Variants in EXTL3 observed in about 807,000 individuals in gnomAD.
EXTL3 encodes the protein exostosin like glycosyltransferase 3.
A neutral mutation model predicts 69.3 loss-of-function variants in EXTL3; 27 were observed. The observed-to-expected ratio is 0.39, with a 90% confidence interval of 0.29 to 0.54. The LOEUF is 0.54. Ranked by LOEUF, EXTL3 falls within the 20% of genes least tolerant of loss-of-function variation. EXTL3 has a pLI of 0.69. For synonymous variants in EXTL3, 511 were observed against 499.4 expected (o/e 1.02, Z -0.31); for missense variants, 1,003 against 1,231.8 (o/e 0.81, Z 2.78).
At chr8:28,697,864 CTG>C (rs1254898705), upstream of EXTL3, 1 of 150,668 alleles carries the variant, frequency 6.6e-6, no homozygotes, top group Non-Finnish European at 1.5e-5. Flanking sequence ...ACATACATGA[CTG>C]TTAAACAACA....
upstream of EXTL3, among the ~76,000 whole-genome samples, chr8:28,618,556 G>A (rs867010331): frequency 6.6e-6 from 1 of 152,128 alleles, no homozygotes; most frequent in East Asian, 1.9e-4. Context: ...CCTCACGTCC[G>A]GCACGAAAGA....
In EXTL3 at chr8:28,658,527, T is replaced by TC. The variant is rs1357507304; in HGVS notation, c.-53+35724dup. On this transcript the variant is annotated intron_variant, in intron 1 of 6. Coordinates refer to the EXTL3 transcript ENST00000523149. ...ATACACCTTTTCTGTACCTTGCTGT[T>TC]CCCCCCCTGCCCCCGCACTTATCTT... Among the ~76,000 whole-genome samples, 8 of 152,156 alleles carry TC rather than the reference T, an allele frequency of 5.3e-5. No individual in the cohort carries two copies. The South Asian group carries it at 8.3e-4, about 16-fold the overall frequency.
At chr8:28,628,747 A>G (rs944947358) in intron 1 of EXTL3, among the ~76,000 whole-genome samples, 9 of 152,106 alleles carry the variant, frequency 5.9e-5, no homozygotes, top group Non-Finnish European at 1.3e-4. Flanking sequence ...TCTGCCTCCC[A>G]GATTCAAGCA....
At chr8:28,727,327 G>A (rs190725506) in intron 3 of EXTL3, among the ~76,000 whole-genome samples, 142 of 152,228 alleles carry the variant, frequency 9.3e-4, no homozygotes, top group African/African-American at 3.2e-3. Flanking sequence ...CTTAGTAGTT[G>A]TTCTCTTGTT....
chr8:28,656,682 T>A (rs1382023401), intron 1 of EXTL3, among the ~76,000 whole-genome samples: 1 of 152,218 alleles, frequency 6.6e-6, no homozygotes, highest in Non-Finnish European at 1.5e-5. Context: ...TGATTTTGCA[T>A]CTAATTTTAC....
At chr8:28,699,852 A>G (rs1800748846), upstream of EXTL3, 2 of 141,680 alleles carry the variant, frequency 1.4e-5, no homozygotes, top group African/African-American at 5.0e-5. Flanking sequence ...TAAGGGCAGC[A>G]ATGTGTTAAG....
At chr8:28,728,261 C>T (rs779729476) in intron 3 of EXTL3, among the ~76,000 whole-genome samples, 2 of 152,190 alleles carry the variant, frequency 1.3e-5, no homozygotes, top group African/African-American at 4.8e-5. Flanking sequence ...CATTCAAGTC[C>T]GGCCCCTTCT....
intron 1 of EXTL3, among the ~76,000 whole-genome samples, chr8:28,660,437 A>G (rs1807088374): frequency 6.6e-6 from 1 of 152,166 alleles, no homozygotes; most frequent in East Asian, 1.9e-4. Flanking sequence ...ATACAAACAT[A>G]CACATACTGT....
At chr8:28,634,456 C>T (rs574453120) in intron 1 of EXTL3, among the ~76,000 whole-genome samples, 3 of 152,262 alleles carry the variant, frequency 2.0e-5, no homozygotes, top group Non-Finnish European at 2.9e-5. Context: ...CGGGTCCCTC[C>T]GTTTCCCACC....
rs2130815173 is a variant in EXTL3, at chr8:28,755,505, TGG to T, written c.*4642_*4643del. On this transcript the variant is annotated 3_prime_UTR_variant, in exon 7 of 7. Transcript: ENST00000220562. ...GGTTCACGCCTGTAATCCCAGCACC[TGG>T]GGAGGCCAAGGCGGGTGGATCACCT... 1 of 152,424 alleles carries T rather than the reference TGG, an allele frequency of 6.6e-6. No homozygotes were observed. Among genetic ancestry groups the T allele is most frequent in the East Asian group, 1.9e-4 (1 of 5,188 alleles). 9.4% of individuals were successfully genotyped at this position (152,424 alleles called of 1,614,324 possible).
intron 1 of EXTL3, among the ~76,000 whole-genome samples, chr8:28,712,296 G>A (rs1005200005): frequency 4.0e-4 from 61 of 152,164 alleles, no homozygotes; most frequent in African/African-American, 1.4e-3. Flanking sequence ...AAGGGGAAGA[G>A]CGATGGTAAC....
At chr8:28,638,276 A>G (rs1308643743) in intron 1 of EXTL3, among the ~76,000 whole-genome samples, 1 of 152,184 alleles carries the variant, frequency 6.6e-6, no homozygotes. Context: ...AGTTGAGTTT[A>G]TGGAGCTATT....
intron 6 of EXTL3, among the ~76,000 whole-genome samples, chr8:28,746,364 T>C (rs957443965): frequency 6.6e-6 from 1 of 152,210 alleles, no homozygotes; most frequent in Non-Finnish European, 1.5e-5. Context: ...TGTAAAGTTT[T>C]GAGAAAACAG....
chr8:28,635,428 G>A (rs1308585776), intron 1 of EXTL3, among the ~76,000 whole-genome samples: 2 of 148,632 alleles, frequency 1.3e-5, no homozygotes, highest in South Asian at 4.3e-4. Context: ...TTGGCCGAGC[G>A]CAGTGGCTCA....
At chr8:28,629,771 T>A (rs1806545725) in intron 1 of EXTL3, among the ~76,000 whole-genome samples, 1 of 152,118 alleles carries the variant, frequency 6.6e-6, no homozygotes, top group African/African-American at 2.4e-5. Flanking sequence ...TGTAACTTGC[T>A]CCGGCAGAGA....
chr8:28,750,439 T>C lies in EXTL3; in HGVS notation c.2551-218T>C, dbSNP rs529689191. Reference sequence around the variant, plus strand: ...TAAGGCTTTTGGCATCTGAGAAGCGTAGGCCATCTCAACAGAATACCTGAC... The same window carrying C: ...TAAGGCTTTTGGCATCTGAGAAGCGCAGGCCATCTCAACAGAATACCTGAC... On this transcript the variant is annotated intron_variant, in intron 6 of 6. Transcript: ENST00000220562. This position sits in a 1 kb window ranked among gnomAD's most constrained non-coding sequence, Gnocchi z 5.2. Among the ~76,000 whole-genome samples the C allele has an allele frequency of 4.6e-5, 7 of 152,306 alleles. No individual in the cohort carries two copies. In the East Asian group the frequency reaches 1.3e-3, roughly 29 times the overall value.
At chr8:28,685,713 A>C (rs1807565585) in intron 1 of EXTL3, among the ~76,000 whole-genome samples, 1 of 151,850 alleles carries the variant, frequency 6.6e-6, no homozygotes, top group Admixed American at 6.6e-5. Flanking sequence ...GTACATTTGA[A>C]ATTTTTACCC....
rs553839714 is a variant in EXTL3 at position 28,656,136 on chromosome 8, T to C, written c.-53+33326T>C. Among the ~76,000 whole-genome samples, 4 of 152,002 alleles carry C rather than the reference T, an allele frequency of 2.6e-5. No individual in the cohort carries two copies. The South Asian group carries it at 8.3e-4, about 32-fold the overall frequency. On this transcript the variant is annotated intron_variant, in intron 1 of 6. Transcript: ENST00000523149. Reference sequence around the variant, plus strand: ...CTAGACCCTGGTCATTTATAATTTATAATTTATTATCCGTGAGCAATCAGA... The same window carrying C: ...CTAGACCCTGGTCATTTATAATTTACAATTTATTATCCGTGAGCAATCAGA...
upstream of EXTL3, among the ~76,000 whole-genome samples, chr8:28,620,415 C>T (rs1806395487): frequency 6.6e-6 from 1 of 152,202 alleles, no homozygotes; most frequent in Non-Finnish European, 1.5e-5. Context: ...AGTTCTTCAG[C>T]AGGATGGATT....
Sources: gnomAD v4.1 joint callset for allele counts (sites outside exome capture counted in the v4.1 genomes callset) on GRCh38, gnomAD v4.1.1 for gene constraint, Gnocchi (gnomAD v3.1) non-coding constraint, MANE v1.5 for transcripts, NCBI Gene and HGNC (gene_info 2026-07-23, HGNC 2026-07-21) for gene names.